The following LDHC variants were observed in gnomAD, a reference collection of about 807,000 sequenced individuals.
The protein encoded by LDHC is L-lactate dehydrogenase C chain.
A neutral mutation model predicts 30.2 loss-of-function variants in LDHC; 20 were observed. That is an observed-to-expected ratio of 0.66 (90% confidence interval 0.47 to 0.96). The LOEUF is 0.96. LDHC is among the 40% of genes least tolerant of loss of function. The probability of loss-of-function intolerance (pLI) is 0.00; values close to 1 mark genes in which losing one functional copy is unlikely to be tolerated. For missense variants in LDHC, 362 were observed against 394.9 expected, an observed-to-expected ratio of 0.92 and a Z score of 0.71; for synonymous variants, 139 against 132.7, an observed-to-expected ratio of 1.05 and a Z score of -0.32.
chr11:18,432,958 A>G (rs916824882), intron 4 of LDHC, among the ~76,000 whole-genome samples: 3 of 152,200 alleles, frequency 2.0e-5, no homozygotes, highest in Non-Finnish European at 2.9e-5. Flanking sequence ...ATTCAGTGTT[A>G]GTATTGAAAT....
At chr11:18,412,634 A>G in intron 1 of LDHC, 75 bp from the exon 2 acceptor site, 2 of 1,385,502 alleles carry the variant, frequency 1.4e-6, no homozygotes, top group South Asian at 1.4e-5. Flanking sequence ...CGGCTCCAAC[A>G]TTCTGCAAAC....
intron 3 of LDHC, among the ~76,000 whole-genome samples, chr11:18,424,647 G>C (rs538982947): frequency 6.6e-6 from 1 of 152,236 alleles, no homozygotes; most frequent in Non-Finnish European, 1.5e-5. Context: ...CATTAACATG[G>C]ATAAATATCA....
At chr11:18,415,021 C>A (rs552526077) in intron 2 of LDHC, among the ~76,000 whole-genome samples, 163 bp from the exon 3 acceptor site, 3 of 152,096 alleles carry the variant, frequency 2.0e-5, no homozygotes, top group Admixed American at 1.3e-4. Context: ...ATTTACTTAC[C>A]TTGACTTTCG....
At chr11:18,446,386 G>C (rs1172476576) in intron 7 of LDHC, 53 bp downstream of exon 7, 1 of 1,275,212 alleles carries the variant, frequency 7.8e-7, no homozygotes, top group Non-Finnish European at 1.1e-6. Context: ...TATTTATTGG[G>C]TCACTACTAT....
intron 4 of LDHC, among the ~76,000 whole-genome samples, chr11:18,430,683 C>T (rs144300853): frequency 1.4e-3 from 218 of 152,242 alleles, no homozygotes; most frequent in African/African-American, 4.9e-3. Flanking sequence ...ATTTAAAATG[C>T]TATTTTGTTT....
intron 3 of LDHC, among the ~76,000 whole-genome samples, chr11:18,427,193 T>C (rs1848175600): frequency 6.6e-6 from 1 of 151,982 alleles, no homozygotes; most frequent in Non-Finnish European, 1.5e-5. Context: ...CCGTCTCTAC[T>C]AAAAATACAA....
At chr11:18,450,165 C>T (rs1227425281) in intron 7 of LDHC, 1 of 152,884 alleles carries the variant, frequency 6.5e-6, no homozygotes, top group Admixed American at 6.6e-5. Flanking sequence ...AGGCTGGTAC[C>T]TATGCATGTA....
chr11:18,426,451 A>G (rs1288912767), intron 3 of LDHC, among the ~76,000 whole-genome samples: 2 of 146,498 alleles, frequency 1.4e-5, no homozygotes, highest in East Asian at 2.1e-4. Flanking sequence ...CACTTGAACC[A>G]GGGAGGCATA....
chr11:18,446,956 A>G (rs1468071814), intron 7 of LDHC, among the ~76,000 whole-genome samples: 1 of 152,202 alleles, frequency 6.6e-6, no homozygotes, highest in Non-Finnish European at 1.5e-5. Flanking sequence ...TATAGTAAAG[A>G]TCAAGTACCA....
At chr11:18,438,168 A>G (rs78549183) in intron 5 of LDHC, among the ~76,000 whole-genome samples, 23,296 of 152,172 alleles carry the variant, frequency 0.15, 2,011 homozygotes, top group African/African-American at 0.23. Flanking sequence ...CTTGATGAGG[A>G]CCTCAGGAAG....
intron 5 of LDHC, among the ~76,000 whole-genome samples, chr11:18,435,714 A>C (rs1182847450): frequency 3.3e-5 from 5 of 152,186 alleles, no homozygotes; most frequent in Non-Finnish European, 7.3e-5. Context: ...ACATCACCAC[A>C]ATCTAAATAC....
intron 7 of LDHC, among the ~76,000 whole-genome samples, chr11:18,448,590 AT>A (rs1848595916): frequency 6.6e-6 from 1 of 152,042 alleles, no homozygotes; most frequent in Non-Finnish European, 1.5e-5. Context: ...GCTGAGTTAT[AT>A]TTTATAGGGA....
rs1351654744 is a variant in LDHC at position 18,412,824 on chromosome 11, C to T, written c.107C>T (p.Ala36Val). The T allele has an allele frequency of 6.2e-7, 1 of 1,613,414 alleles. No individual in the cohort carries two copies. Among genetic ancestry groups the T allele is most frequent in the Non-Finnish European group, 8.5e-7 (1 of 1,179,664 alleles). ...ACTGGTGCCGTAGGCATGGCTTGTGCTATTAGTATCTTACTGAAGGTGAGT... is the reference window on the plus strand; with the variant it reads ...ACTGGTGCCGTAGGCATGGCTTGTGTTATTAGTATCTTACTGAAGGTGAGT... Reference protein sequence around the residue: ...VGTGAVGMACAISILLKDLAD... With the variant: ...VGTGAVGMACVISILLKDLAD... Residue 36 changes from alanine (A) to valine (V), a missense_variant, in exon 2 of 8, where the codon GCT (alanine) becomes GTT (valine). Physicochemically the swap from Ala to Val is moderately conservative, Grantham distance 64. Coordinates refer to ENST00000541669, the MANE Select transcript of LDHC (RefSeq NM_017448.5).
At chr11:18,447,656 T>G (rs1848577782) in intron 7 of LDHC, among the ~76,000 whole-genome samples, 1 of 152,198 alleles carries the variant, frequency 6.6e-6, no homozygotes, top group Admixed American at 6.5e-5. Flanking sequence ...ATTGAATAAC[T>G]AGGAGGTTAG....
chr11:18,419,147 T>A (rs1467647132), intron 3 of LDHC, among the ~76,000 whole-genome samples: 2 of 152,200 alleles, frequency 1.3e-5, no homozygotes, highest in Non-Finnish European at 2.9e-5. Context: ...AGATAGTAGA[T>A]ATTTTAGGCT....
rs1290659567 is a variant in LDHC at position 18,450,934 on chromosome 11, T to C, written c.835-29T>C. The C allele has an allele frequency of 3.3e-6, 5 of 1,521,696 alleles. No homozygotes were observed. In the African/African-American group the frequency reaches 5.6e-5, roughly 17 times the overall value. The allele number at this position is 1,521,696 out of a possible 1,614,324, so 94.3% of individuals were successfully genotyped here. ...ATAGCTGCTTTTCCATATCAGGTTATTTGAACAATATCTTATCTTGCCTTT... is the reference window on the plus strand; with the variant it reads ...ATAGCTGCTTTTCCATATCAGGTTACTTGAACAATATCTTATCTTGCCTTT... On this transcript the variant is annotated intron_variant, in intron 7 of 7. Transcript: ENST00000541669.
intron 6 of LDHC, 67 bp downstream of exon 6, chr11:18,438,712 A>G: frequency 1.2e-6 from 1 of 817,092 alleles, no homozygotes. Context: ...TCACGGACAA[A>G]AATCAAGTAG....
intron 3 of LDHC, among the ~76,000 whole-genome samples, chr11:18,417,123 A>AACT (rs1164061690): frequency 6.6e-6 from 1 of 152,144 alleles, no homozygotes; most frequent in East Asian, 1.9e-4. Context: ...ACCTCAGGTG[A>AACT]CCCGCCTGCC....
intron 3 of LDHC, among the ~76,000 whole-genome samples, chr11:18,417,994 C>A (rs1000143442): frequency 6.6e-6 from 1 of 151,758 alleles, no homozygotes; most frequent in African/African-American, 2.4e-5. Context: ...TCACTGCACT[C>A]CAGCCTGGGC....
Sources: allele counts gnomAD v4.1 joint callset (sites outside exome capture counted in the v4.1 genomes callset), GRCh38; gene constraint gnomAD v4.1.1; transcripts MANE v1.5; gene names NCBI Gene and HGNC (gene_info 2026-07-23, HGNC 2026-07-21).